Variants in PCTP observed in about 807,000 individuals in gnomAD.
The protein encoded by PCTP is phosphatidylcholine transfer protein.
In PCTP, 27 loss-of-function variants were observed where a neutral mutation model predicts 31.0. That is an observed-to-expected ratio of 0.87 (90% CI 0.64 to 1.20). The LOEUF (loss-of-function observed/expected upper bound fraction) is 1.20. PCTP is among the 50% of genes most tolerant of loss of function. PCTP has a pLI of 0.00. For synonymous variants in PCTP, 108 were observed against 101.2 expected (o/e 1.07, Z -0.40); for missense variants, 287 against 268.2 (o/e 1.07, Z -0.49).
At chr17:55,823,564 A>G (rs1479260226), downstream of PCTP, among the ~76,000 whole-genome samples, 1 of 152,230 alleles carries the variant, frequency 6.6e-6, no homozygotes, top group Non-Finnish European at 1.5e-5. Context: ...AAATATATAA[A>G]TTAGAAACTG....
chr17:55,844,190 G>A (rs1355268668), downstream of PCTP, among the ~76,000 whole-genome samples: 1 of 152,190 alleles, frequency 6.6e-6, no homozygotes, highest in Non-Finnish European at 1.5e-5. Flanking sequence ...AGAATAGTTT[G>A]TCTTTGATCT....
intron 2 of PCTP, chr17:55,770,662 C>G (rs1910933389): frequency 6.6e-6 from 1 of 151,696 alleles, no homozygotes; most frequent in South Asian, 2.1e-4. Context: ...TGACTTTTTT[C>G]TAGAATTTTA....
At chr17:55,793,357 A>C (rs1055809661) in intron 3 of PCTP, among the ~76,000 whole-genome samples, 13 of 151,966 alleles carry the variant, frequency 8.6e-5, no homozygotes, top group African/African-American at 3.1e-4. Context: ...TAACCCTTTA[A>C]ATTTCAACAA....
At chr17:55,800,174 A>G (rs1212449568) in intron 3 of PCTP, among the ~76,000 whole-genome samples, 1 of 152,118 alleles carries the variant, frequency 6.6e-6, no homozygotes, top group Non-Finnish European at 1.5e-5. Flanking sequence ...GTGTTTTCCA[A>G]CTTGGTTCCA....
At chr17:55,781,917 G>A (rs1035228341), downstream of PCTP, among the ~76,000 whole-genome samples, 1 of 151,158 alleles carries the variant, frequency 6.6e-6, no homozygotes, top group East Asian at 1.9e-4. Context: ...ACCTGATTGT[G>A]TGTGTGTGTG....
chr17:55,787,753 C>G (rs1179038242), intron 3 of PCTP: 1 of 152,202 alleles, frequency 6.6e-6, no homozygotes, highest in African/African-American at 2.4e-5. Context: ...TTCGATCAGT[C>G]AGCACGTCAG....
At chr17:55,751,572 T>G in intron 1 of PCTP, 1 of 1,309,434 alleles carries the variant, frequency 7.6e-7, no homozygotes, top group South Asian at 1.3e-5. Flanking sequence ...CAAGGGACGT[T>G]GATCCTCACT....
At chr17:55,822,780 G>A (rs1905278166) in exon 4 of PCTP, 16 of 1,231,162 alleles carry the variant, frequency 1.3e-5, no homozygotes, top group South Asian at 1.2e-4. Context: ...AGAACCAAGC[G>A]GGAAGCTCAG....
intron 3 of PCTP, among the ~76,000 whole-genome samples, chr17:55,772,923 G>T (rs1911092562): frequency 6.6e-6 from 1 of 152,136 alleles, no homozygotes; most frequent in Non-Finnish European, 1.5e-5. Context: ...CAAACTCACA[G>T]GGTCTTTGTA....
chr17:55,766,315 G>T (rs1910650915), intron 1 of PCTP, among the ~76,000 whole-genome samples: 3 of 150,556 alleles, frequency 2.0e-5, no homozygotes. Context: ...CAATGTGCAG[G>T]TTAGTTACAT....
At chr17:55,770,344 A>C (rs1910915123) in intron 2 of PCTP, 2 of 152,152 alleles carry the variant, frequency 1.3e-5, no homozygotes, top group African/African-American at 4.8e-5. Context: ...TTCATATCCG[A>C]CCTATGAATG....
chr17:55,781,466 A>G (rs547056358), downstream of PCTP, among the ~76,000 whole-genome samples: 4 of 152,354 alleles, frequency 2.6e-5, no homozygotes, highest in South Asian at 8.3e-4. Context: ...AGCTACTTCT[A>G]TGAATCACCT....
downstream of PCTP, among the ~76,000 whole-genome samples, chr17:55,845,355 A>G (rs902659136): frequency 3.9e-5 from 6 of 152,018 alleles, no homozygotes; most frequent in Non-Finnish European, 8.8e-5. Flanking sequence ...TTGAGAAGAG[A>G]TACCACTTCA....
At chr17:55,793,709 G>C (rs1478498306) in intron 3 of PCTP, among the ~76,000 whole-genome samples, 9 of 152,110 alleles carry the variant, frequency 5.9e-5, no homozygotes, top group Admixed American at 5.9e-4. Context: ...AAAGGCGGTA[G>C]TCGCTGCTCT....
intron 2 of PCTP, chr17:55,769,112 G>A (rs1051287025): frequency 6.6e-6 from 1 of 152,096 alleles, no homozygotes; most frequent in African/African-American, 2.4e-5. Flanking sequence ...CTAATTCCTA[G>A]GCAGATTCTT....
chr17:55,837,803 C>T (rs375474841), intron 5 of PCTP, among the ~76,000 whole-genome samples: 9 of 152,000 alleles, frequency 5.9e-5, no homozygotes, highest in African/African-American at 1.7e-4. Flanking sequence ...CTCACTCTGC[C>T]GACTCCCTGC....
chr17:55,755,119 A>G (rs533323360), intron 1 of PCTP, among the ~76,000 whole-genome samples: 2 of 152,240 alleles, frequency 1.3e-5, no homozygotes, highest in African/African-American at 2.4e-5. Flanking sequence ...ATTTCCATCT[A>G]TGGAAATGGA....
chr17:55,785,682 A>G (rs1911724295), intron 2 of PCTP, among the ~76,000 whole-genome samples: 1 of 152,216 alleles, frequency 6.6e-6, no homozygotes, highest in Non-Finnish European at 1.5e-5. Flanking sequence ...CTACATTTAT[A>G]TCACAGATTT....
downstream of PCTP, among the ~76,000 whole-genome samples, chr17:55,825,469 G>C (rs538503364): frequency 1.3e-5 from 2 of 152,364 alleles, no homozygotes; most frequent in East Asian, 3.9e-4. Flanking sequence ...GCTGCCAGGG[G>C]AAGGTAGAGT....
Sources: gnomAD v4.1 joint callset for allele counts (sites outside exome capture counted in the v4.1 genomes callset) on GRCh38, gnomAD v4.1.1 for gene constraint, MANE v1.5 for transcripts, NCBI Gene and HGNC (gene_info 2026-07-23, HGNC 2026-07-21) for gene names.